LMBRD1: variants seen among roughly 807,000 people sequenced by gnomAD.
LMBRD1 encodes the protein lysosomal cobalamin transport escort protein LMBD1.
LMBRD1 carries 64 observed loss-of-function variants against 74.8 expected under a neutral mutation model. That is an observed-to-expected ratio of 0.86 (90% CI 0.70 to 1.05). The LOEUF (loss-of-function observed/expected upper bound fraction) is 1.05, where lower values mean the gene tolerates loss of function less well. Among genes scored for constraint, LMBRD1 ranks in the 50% least tolerant of loss-of-function variants. The pLI is 0.00. For synonymous variants in LMBRD1, 204 were observed against 216.3 expected, an observed-to-expected ratio of 0.94 and a Z score of 0.50; for missense variants, 652 against 645.9, an observed-to-expected ratio of 1.01 and a Z score of -0.10.
intron 3 of LMBRD1, among the ~76,000 whole-genome samples, chr6:69,765,831 T>C (rs1413365890): frequency 2.0e-5 from 3 of 152,242 alleles, no homozygotes; most frequent in East Asian, 3.9e-4. Context: ...AGAAATCTTA[T>C]GCTTTTTTGT....
intron 14 of LMBRD1, among the ~76,000 whole-genome samples, chr6:69,683,547 T>C (rs1765704577): frequency 6.6e-6 from 1 of 152,094 alleles, no homozygotes; most frequent in Admixed American, 6.6e-5. Context: ...CCTACTATTG[T>C]GCTACACATC....
At chr6:69,702,051 T>C (rs1766144422) in intron 9 of LMBRD1, 98 bp from the exon 10 acceptor site, 13 of 746,926 alleles carry the variant, frequency 1.7e-5, no homozygotes, top group South Asian at 6.2e-5. Context: ...AATATGACAA[T>C]GATCTAACAA....
rs148622706 is a variant in LMBRD1, at chr6:69,682,773, G to A, written c.1418-6232C>T. Among the ~76,000 whole-genome samples the A allele has an allele frequency of 3.4e-3, 513 of 152,058 alleles. 5 individuals carry two copies. The highest frequency in any genetic ancestry group is 0.011 in the African/African-American group (473 of 41,524). On this transcript the variant is annotated intron_variant, in intron 14 of 15. Coordinates refer to ENST00000649934, the MANE Select transcript of LMBRD1 (RefSeq NM_018368.4). ...AAAGACAGAAAACTGAGATTTAGTT[G>A]AGTCTGACACTAATTTACTATGAGA...
At chr6:69,788,853 C>T (rs973523028) in intron 2 of LMBRD1, among the ~76,000 whole-genome samples, 1 of 152,186 alleles carries the variant, frequency 6.6e-6, no homozygotes, top group Non-Finnish European at 1.5e-5. Flanking sequence ...GAACAAAGCT[C>T]TCTGGAACCA....
At chr6:69,701,398 T>G in intron 11 of LMBRD1, 45 bp downstream of exon 11, 2 of 1,112,166 alleles carry the variant, frequency 1.8e-6, no homozygotes, top group Non-Finnish European at 2.7e-6. Flanking sequence ...TCTAGCATTT[T>G]ATACTCTAGC....
At chr6:69,749,847 TAC>T (rs1765082926) in intron 4 of LMBRD1, among the ~76,000 whole-genome samples, 1 of 147,952 alleles carries the variant, frequency 6.8e-6, no homozygotes. Context: ...TTTGTATATA[TAC>T]ATACTCATAT....
At chr6:69,763,088 A>C (rs1765405558) in intron 3 of LMBRD1, among the ~76,000 whole-genome samples, 1 of 152,178 alleles carries the variant, frequency 6.6e-6, no homozygotes, top group Non-Finnish European at 1.5e-5. Flanking sequence ...ATAAAATAGC[A>C]AAGAACTTGG....
intron 14 of LMBRD1, among the ~76,000 whole-genome samples, chr6:69,695,906 C>T (rs996425883): frequency 1.3e-5 from 2 of 150,266 alleles, no homozygotes; most frequent in Admixed American, 6.7e-5. Flanking sequence ...TGCAGTGGCA[C>T]GATCTCAGCT....
intron 2 of LMBRD1, among the ~76,000 whole-genome samples, chr6:69,782,167 G>T (rs1407327099): frequency 6.6e-6 from 1 of 152,154 alleles, no homozygotes; most frequent in Non-Finnish European, 1.5e-5. Flanking sequence ...CACAAATTAG[G>T]ATGGATATTA....
intron 2 of LMBRD1, among the ~76,000 whole-genome samples, chr6:69,784,846 C>T (rs1472570938): frequency 6.6e-6 from 1 of 152,192 alleles, no homozygotes; most frequent in Non-Finnish European, 1.5e-5. Flanking sequence ...AAATTTCTCT[C>T]ACTGTACTGA....
intron 2 of LMBRD1, among the ~76,000 whole-genome samples, chr6:69,787,669 C>A (rs551470136): frequency 6.6e-6 from 1 of 151,950 alleles, no homozygotes; most frequent in African/African-American, 2.4e-5. Flanking sequence ...TCGCTTGAAC[C>A]CAGGAGGCGG....
chr6:69,795,226 A>AC (rs2149900016), intron 1 of LMBRD1, among the ~76,000 whole-genome samples: 1 of 152,354 alleles, frequency 6.6e-6, no homozygotes, highest in African/African-American at 2.4e-5. Flanking sequence ...ATCCACGACA[A>AC]CATTCAATTC....
In LMBRD1 at chr6:69,775,016, AGGG is replaced by A. The variant is rs1562121849; in HGVS notation, c.307+5475_307+5477del. On this transcript the variant is annotated intron_variant, in intron 3 of 15. Coordinates refer to ENST00000649934, the MANE Select transcript of LMBRD1 (RefSeq NM_018368.4). ...GAGGGAGGGAGGGAGGGAGGGAGGG[AGGG>A]AGGGAGGGAGGGAGGGAAGGAAGGA... Among the ~76,000 whole-genome samples the A allele has an allele frequency of 1.5e-4, 13 of 86,030 alleles. 3 individuals are homozygous for A. The highest frequency in any genetic ancestry group is 7.0e-4 in the East Asian group (2 of 2,860). The allele number at this position is 86,030 out of a possible 152,430, so 56.4% of individuals were successfully genotyped here.
At chr6:69,774,574 G>A (rs570312077) in intron 3 of LMBRD1, among the ~76,000 whole-genome samples, 2 of 152,032 alleles carry the variant, frequency 1.3e-5, no homozygotes, top group Non-Finnish European at 2.9e-5. Flanking sequence ...AGGGGTTGTA[G>A]AAATAGGGAG....
intron 7 of LMBRD1, among the ~76,000 whole-genome samples, chr6:69,731,918 A>C (rs1766867479): frequency 6.6e-6 from 1 of 152,140 alleles, no homozygotes; most frequent in African/African-American, 2.4e-5. Context: ...CTTTCATTTC[A>C]TATTTTCCTT....
intron 14 of LMBRD1, among the ~76,000 whole-genome samples, chr6:69,683,733 T>C (rs940754666): frequency 6.6e-6 from 1 of 151,328 alleles, no homozygotes; most frequent in African/African-American, 2.4e-5. Context: ...CTTATCCTTC[T>C]CAGGACCTCA....
intron 5 of LMBRD1, among the ~76,000 whole-genome samples, chr6:69,744,850 T>C (rs1767183963): frequency 6.8e-6 from 1 of 147,896 alleles, no homozygotes; most frequent in Non-Finnish European, 1.5e-5. Context: ...CTGTAACTCT[T>C]TTTTTTTTTT....
intron 3 of LMBRD1, among the ~76,000 whole-genome samples, chr6:69,768,323 A>G (rs766095904): frequency 4.3e-4 from 65 of 151,968 alleles, no homozygotes; most frequent in Admixed American, 6.6e-4. Flanking sequence ...CTTATTTTAT[A>G]GATATTTATA....
At chr6:69,747,535 G>A (rs949562285) in intron 5 of LMBRD1, among the ~76,000 whole-genome samples, 1 of 152,022 alleles carries the variant, frequency 6.6e-6, no homozygotes, top group South Asian at 2.1e-4. Flanking sequence ...CCATTCCTTC[G>A]AATCTCAACT....
Sources: allele counts gnomAD v4.1 joint callset (sites outside exome capture counted in the v4.1 genomes callset), GRCh38; gene constraint gnomAD v4.1.1; transcripts MANE v1.5; gene names NCBI Gene and HGNC (gene_info 2026-07-23, HGNC 2026-07-21).